The following MARCHF1 variants were observed in gnomAD, a reference collection of about 807,000 sequenced individuals.
MARCHF1 encodes the protein E3 ubiquitin-protein ligase MARCHF1.
In MARCHF1, 40 loss-of-function variants were observed where a neutral mutation model predicts 54.2. The observed-to-expected ratio is 0.74, with a 90% CI of 0.57 to 0.96. The LOEUF (loss-of-function observed/expected upper bound fraction) is 0.96, where lower values mean the gene tolerates loss of function less well. Among genes scored for constraint, MARCHF1 ranks in the 40% least tolerant of loss-of-function variants. The probability of loss-of-function intolerance (pLI) is 0.00; values close to 1 mark genes in which losing one functional copy is unlikely to be tolerated. For synonymous variants in MARCHF1, 236 were observed against 236.3 expected, an observed-to-expected ratio of 1.00 and a Z score of 0.01; for missense variants, 586 against 656.5, an observed-to-expected ratio of 0.89 and a Z score of 1.17.
intron 1 of MARCHF1, among the ~76,000 whole-genome samples, chr4:164,379,690 G>T (rs551481304): frequency 1.4e-4 from 21 of 152,256 alleles, no homozygotes; most frequent in Admixed American, 3.3e-4. Context: ...GAAGTCAAAA[G>T]AATAACAAAT....
intron 1 of MARCHF1, among the ~76,000 whole-genome samples, chr4:164,173,753 C>T (rs1332999772): frequency 6.6e-6 from 1 of 152,286 alleles, no homozygotes; most frequent in Non-Finnish European, 1.5e-5. Flanking sequence ...TGAGTGGAAG[C>T]TTCCTGAGGT....
intron 1 of MARCHF1, among the ~76,000 whole-genome samples, chr4:164,259,110 T>C (rs1733376065): frequency 6.6e-6 from 1 of 152,154 alleles, no homozygotes; most frequent in South Asian, 2.1e-4. Context: ...CAGTAAACAA[T>C]AAATCCATAT....
chr4:163,734,423 A>G (rs1053074152), intron 4 of MARCHF1, among the ~76,000 whole-genome samples: 5 of 152,134 alleles, frequency 3.3e-5, no homozygotes, highest in Admixed American at 6.6e-5. Flanking sequence ...GGGGAAAAAA[A>G]CTAAATACCG....
At chr4:164,271,931 C>T (rs367550056) in intron 1 of MARCHF1, among the ~76,000 whole-genome samples, 5 of 151,960 alleles carry the variant, frequency 3.3e-5, no homozygotes, top group East Asian at 1.9e-4. Context: ...TATATATGAA[C>T]TCCCAAAAAT....
At chr4:164,252,950 G>T (rs1733169520) in intron 1 of MARCHF1, among the ~76,000 whole-genome samples, 1 of 152,084 alleles carries the variant, frequency 6.6e-6, no homozygotes, top group African/African-American at 2.4e-5. Flanking sequence ...GAAGAAATAA[G>T]CCTGAGAATT....
At chr4:163,739,175 T>G (rs1406571888) in intron 4 of MARCHF1, among the ~76,000 whole-genome samples, 3 of 152,200 alleles carry the variant, frequency 2.0e-5, no homozygotes, top group African/African-American at 7.2e-5. Flanking sequence ...TGTTCATATC[T>G]TTGAAATATT....
chr4:163,699,931 C>T (rs994484318), intron 5 of MARCHF1, among the ~76,000 whole-genome samples: 3 of 151,012 alleles, frequency 2.0e-5, no homozygotes, highest in Non-Finnish European at 4.4e-5. Flanking sequence ...TGGGGTCCTA[C>T]TTAGATTTAT....
chr4:163,744,987 AAACAAAACC>A (rs765240521), intron 4 of MARCHF1, among the ~76,000 whole-genome samples: 8 of 152,228 alleles, frequency 5.3e-5, no homozygotes, highest in Non-Finnish European at 1.2e-4. Flanking sequence ...GCAAAAGGGA[AAACAAAACC>A]AACACCAAAC....
chr4:164,116,767 A>ATGTG (rs954106821), intron 1 of MARCHF1, among the ~76,000 whole-genome samples: 1 of 151,858 alleles, frequency 6.6e-6, no homozygotes, highest in African/African-American at 2.4e-5. Context: ...CAAGAAACAA[A>ATGTG]TGTGTGTGTG....
intron 4 of MARCHF1, among the ~76,000 whole-genome samples, chr4:163,717,941 TAC>T (rs1745318605): frequency 1.3e-5 from 2 of 152,088 alleles, no homozygotes; most frequent in Non-Finnish European, 2.9e-5. Context: ...ATGGTACTGG[TAC>T]TAAAACAGAG....
At chr4:163,695,296 T>C (rs892500337) in intron 5 of MARCHF1, among the ~76,000 whole-genome samples, 1 of 152,148 alleles carries the variant, frequency 6.6e-6, no homozygotes, top group African/African-American at 2.4e-5. Flanking sequence ...AGAAGTAAAA[T>C]TAAAGTATAT....
At chr4:163,793,446 C>T (rs906983186) in intron 4 of MARCHF1, among the ~76,000 whole-genome samples, 14 of 152,134 alleles carry the variant, frequency 9.2e-5, no homozygotes, top group Non-Finnish European at 1.3e-4. Flanking sequence ...CCTTACCCTC[C>T]CTTGAAACAC....
chr4:163,569,124 T>C (rs542212339), intron 8 of MARCHF1, among the ~76,000 whole-genome samples: 2 of 152,254 alleles, frequency 1.3e-5, no homozygotes, highest in African/African-American at 4.8e-5. Flanking sequence ...GGAGGGTTGA[T>C]GCTGCATAGC....
At chr4:163,852,630 A>C (rs1056880166) in intron 4 of MARCHF1, among the ~76,000 whole-genome samples, 5 of 152,150 alleles carry the variant, frequency 3.3e-5, no homozygotes, top group African/African-American at 1.2e-4. Flanking sequence ...TTTTGCACAT[A>C]TCTCTCCATA....
intron 1 of MARCHF1, among the ~76,000 whole-genome samples, chr4:164,214,126 C>T (rs1731861537): frequency 6.6e-6 from 1 of 151,258 alleles, no homozygotes; most frequent in Non-Finnish European, 1.5e-5. Flanking sequence ...GTATTCGTGA[C>T]ACATACAACA....
At chr4:163,807,204 A>C (rs887966335) in intron 4 of MARCHF1, among the ~76,000 whole-genome samples, 2 of 152,208 alleles carry the variant, frequency 1.3e-5, no homozygotes, top group Admixed American at 1.3e-4. Flanking sequence ...TCAATATATA[A>C]ACAATTTACT....
intron 1 of MARCHF1, among the ~76,000 whole-genome samples, chr4:164,175,343 C>T (rs527732699): frequency 1.2e-4 from 18 of 152,264 alleles, no homozygotes; most frequent in African/African-American, 4.3e-4. Context: ...CACAACCTTG[C>T]CCCCTATCTT....
chr4:164,055,954 C>A (rs1453908193), intron 2 of MARCHF1, among the ~76,000 whole-genome samples: 5 of 152,130 alleles, frequency 3.3e-5, no homozygotes, highest in Non-Finnish European at 5.9e-5. Flanking sequence ...TAAGGAAAAG[C>A]GCAAACATCC....
chr4:164,086,406 G>A (rs1755193152), intron 2 of MARCHF1, among the ~76,000 whole-genome samples: 1 of 152,002 alleles, frequency 6.6e-6, no homozygotes, highest in East Asian at 1.9e-4. Flanking sequence ...TATATAAATT[G>A]CTAACAGCAT....
Sources: gnomAD v4.1 joint callset for allele counts (sites outside exome capture counted in the v4.1 genomes callset) on GRCh38, gnomAD v4.1.1 for gene constraint, MANE v1.5 for transcripts, NCBI Gene and HGNC (gene_info 2026-07-23, HGNC 2026-07-21) for gene names.